The following DSCAM variants were observed in gnomAD, a reference collection of about 807,000 sequenced individuals.
The protein encoded by DSCAM is cell adhesion molecule DSCAM.
In DSCAM, 47 loss-of-function variants were observed where a neutral mutation model predicts 217.7. The observed-to-expected ratio is 0.22, with a 90% CI of 0.17 to 0.28. DSCAM has a LOEUF of 0.28. DSCAM is among the 10% of genes least tolerant of loss of function. The pLI, the probability that DSCAM is intolerant of heterozygous loss-of-function variation, is 1.00. For synonymous variants in DSCAM, 1,056 were observed against 1,015.3 expected, an observed-to-expected ratio of 1.04 and a Z score of -0.76; for missense variants, 2,080 against 2,618.3, an observed-to-expected ratio of 0.79 and a Z score of 4.49.
intron 32 of DSCAM, among the ~76,000 whole-genome samples, chr21:40,018,004 G>A (rs1380684742): frequency 6.9e-6 from 1 of 145,076 alleles, no homozygotes; most frequent in Non-Finnish European, 1.5e-5. Context: ...GGAATCTCTT[G>A]CCATATAGAA....
intron 11 of DSCAM, among the ~76,000 whole-genome samples, chr21:40,196,112 C>A (rs1375098176): frequency 6.6e-6 from 1 of 152,200 alleles, no homozygotes; most frequent in Non-Finnish European, 1.5e-5. Flanking sequence ...GACCCACTGG[C>A]CTCCTGGTGT....
rs2074111997 is a variant in DSCAM at position 40,309,218 on chromosome 21, A to G, written c.2062+2863T>C. ...AGTTGTGTTTTCTGAGTTCCTGCACATTGACCTTCTTTCTTTTCTGAAGCT... is the reference window on the plus strand; with the variant it reads ...AGTTGTGTTTTCTGAGTTCCTGCACGTTGACCTTCTTTCTTTTCTGAAGCT... On this transcript the variant is annotated intron_variant, in intron 9 of 32. Coordinates refer to ENST00000400454, the MANE Select transcript of DSCAM (RefSeq NM_001389.5). Among the ~76,000 whole-genome samples the G allele has an allele frequency of 3.3e-5, 5 of 152,260 alleles. 1 individual carries two copies. The South Asian group carries it at 1.0e-3, about 32-fold the overall frequency.
chr21:40,124,759 T>G (rs1568953381), intron 19 of DSCAM, among the ~76,000 whole-genome samples: 1 of 152,102 alleles, frequency 6.6e-6, no homozygotes, highest in Non-Finnish European at 1.5e-5. Flanking sequence ...GACACCTTGA[T>G]TTTGGACTTC....
chr21:40,432,805 T>C (rs1354830134), intron 3 of DSCAM, among the ~76,000 whole-genome samples: 4 of 152,178 alleles, frequency 2.6e-5, no homozygotes, highest in Non-Finnish European at 4.4e-5. Flanking sequence ...ATCTCTGTCA[T>C]ACAGGTGAGG....
chr21:40,846,744 T>C lies in DSCAM; in HGVS notation c.-83A>G. 1.8e-6 allele frequency: 1 copy of C among 569,440 alleles called. No individual in the cohort carries two copies. Among genetic ancestry groups the C allele is most frequent in the Non-Finnish European group, 2.2e-6 (1 of 445,084 alleles). 35.3% of individuals were successfully genotyped at this position (569,440 alleles called of 1,614,324 possible). A position where few individuals can be genotyped will look rare whatever the true frequency, so the allele number is the denominator to read the frequency against. On this transcript the variant is annotated 5_prime_UTR_variant, in exon 1 of 33. Transcript: ENST00000400454. ...CGCCCGGCCCGGCTCCGCTCGCCGC[T>C]CGGCACCTGCCCGGGGGCCGCCGCC...
intron 3 of DSCAM, among the ~76,000 whole-genome samples, chr21:40,547,817 T>C (rs572326472): frequency 1.1e-4 from 16 of 152,316 alleles, no homozygotes; most frequent in Admixed American, 3.9e-4. Context: ...AGAACGTCTC[T>C]GCCACGTTCC....
intron 1 of DSCAM, among the ~76,000 whole-genome samples, chr21:40,770,439 C>T (rs946301921): frequency 9.2e-5 from 14 of 152,160 alleles, no homozygotes; most frequent in African/African-American, 2.9e-4. Flanking sequence ...AAGTCTGGAA[C>T]TGTAGAATAC....
intron 2 of DSCAM, among the ~76,000 whole-genome samples, chr21:40,702,005 A>G (rs1382334441): frequency 6.6e-6 from 1 of 152,142 alleles, no homozygotes; most frequent in Non-Finnish European, 1.5e-5. Flanking sequence ...GTCTACTTCT[A>G]CCAATTATTG....
chr21:40,561,125 G>A (rs1229768846), intron 3 of DSCAM, among the ~76,000 whole-genome samples: 1 of 152,212 alleles, frequency 6.6e-6, no homozygotes, highest in Admixed American at 6.5e-5. Context: ...AAATAGCATA[G>A]TGTATTTGGT....
intron 18 of DSCAM, among the ~76,000 whole-genome samples, chr21:40,135,236 G>C (rs1453597989): frequency 1.3e-5 from 2 of 152,198 alleles, no homozygotes; most frequent in Non-Finnish European, 2.9e-5. Context: ...TTGTTGAACA[G>C]CTCTGATTTG....
chr21:40,631,904 T>G (rs1382131383), intron 3 of DSCAM, among the ~76,000 whole-genome samples: 1 of 152,252 alleles, frequency 6.6e-6, no homozygotes, highest in African/African-American at 2.4e-5. Flanking sequence ...GACACTATCC[T>G]CGCCACCATG....
At chr21:40,134,094 T>C in intron 18 of DSCAM, 85 bp from the exon 19 acceptor site, 3 of 1,491,234 alleles carry the variant, frequency 2.0e-6, no homozygotes, top group Non-Finnish European at 2.7e-6. Context: ...TGACTGTCCC[T>C]GTGCCATGCC....
chr21:40,580,747 G>A (rs541722573), intron 3 of DSCAM, among the ~76,000 whole-genome samples: 1 of 152,220 alleles, frequency 6.6e-6, no homozygotes, highest in Non-Finnish European at 1.5e-5. Context: ...TGCAGTAAGT[G>A]GAAAACACCC....
At chr21:40,235,741 G>A (rs576204975) in intron 11 of DSCAM, among the ~76,000 whole-genome samples, 1 of 151,584 alleles carries the variant, frequency 6.6e-6, no homozygotes, top group South Asian at 2.1e-4. Context: ...AGTTAATGAT[G>A]ATGCATCACC....
At chr21:40,675,791 T>C (rs2090331024) in intron 3 of DSCAM, among the ~76,000 whole-genome samples, 1 of 152,264 alleles carries the variant, frequency 6.6e-6, no homozygotes, top group Non-Finnish European at 1.5e-5. Context: ...ATATCCTTGC[T>C]GTTACACAGA....
rs576890087 is a variant in DSCAM at position 40,155,835 on chromosome 21, G to A, written c.3019-11104C>T. Among the ~76,000 whole-genome samples, 3 of 152,134 alleles carry A rather than the reference G, an allele frequency of 2.0e-5. No individual in the cohort carries two copies. The South Asian group carries it at 6.2e-4, about 32-fold the overall frequency. On this transcript the variant is annotated intron_variant, in intron 16 of 32. Coordinates refer to ENST00000400454, the MANE Select transcript of DSCAM (RefSeq NM_001389.5). ...TGCATGCTCTGGAGGCATCCTGGAT[G>A]TCTTGATGAGAAAAGGCAGGAAAGG...
intron 3 of DSCAM, among the ~76,000 whole-genome samples, chr21:40,392,896 T>A (rs1240672833): frequency 6.6e-6 from 1 of 152,076 alleles, no homozygotes; most frequent in Non-Finnish European, 1.5e-5. Context: ...ATGAAAAAAA[T>A]TTTAACACAT....
At chr21:40,585,642 T>C (rs986450749) in intron 3 of DSCAM, among the ~76,000 whole-genome samples, 2 of 152,156 alleles carry the variant, frequency 1.3e-5, no homozygotes, top group Admixed American at 1.3e-4. Context: ...GGTTTGGATA[T>C]AGTTTGGCCT....
At position 40,485,300 on chromosome 21, in the gene DSCAM, T is replaced by A. The variant is rs185392855; in HGVS notation, c.509-116055A>T. Reference sequence around the variant, plus strand: ...GTCGCCCAGGCTGGAGTGAGTGCAGTGGCGCGATCTCGGCTCACTGCAAGC... The same window carrying A: ...GTCGCCCAGGCTGGAGTGAGTGCAGAGGCGCGATCTCGGCTCACTGCAAGC... On this transcript the variant is annotated intron_variant, in intron 3 of 32. Coordinates refer to ENST00000400454, the MANE Select transcript of DSCAM (RefSeq NM_001389.5). 3.8e-3 allele frequency among the ~76,000 whole-genome samples: 552 copies of A among 146,792 alleles called. 4 individuals carry two copies. Among genetic ancestry groups the A allele is most frequent in the Middle Eastern group, 0.011 (3 of 270 alleles).
Sources: allele counts gnomAD v4.1 joint callset (sites outside exome capture counted in the v4.1 genomes callset), GRCh38; gene constraint gnomAD v4.1.1; transcripts MANE v1.5; gene names NCBI Gene and HGNC (gene_info 2026-07-23, HGNC 2026-07-21).